Variants in DIAPH2 observed in about 807,000 individuals in gnomAD.
DIAPH2 encodes protein diaphanous homolog 2.
In DIAPH2, 35 loss-of-function variants were observed where a neutral mutation model predicts 92.7. The observed-to-expected ratio is 0.38, with a 90% CI of 0.29 to 0.50. The LOEUF is 0.50. Ranked by LOEUF, DIAPH2 falls within the 20% of genes least tolerant of loss-of-function variation. The pLI, the probability that DIAPH2 is intolerant of heterozygous loss-of-function variation, is 0.94. For missense variants in DIAPH2, 701 were observed against 819.5 expected, an observed-to-expected ratio of 0.86 and a Z score of 1.77; for synonymous variants, 301 against 280.4, an observed-to-expected ratio of 1.07 and a Z score of -0.73.
At chrX:97,591,743 C>CT (rs1314189314) in intron 26 of DIAPH2, among the ~76,000 whole-genome samples, 3 of 111,947 alleles carry the variant, frequency 2.7e-5, no homozygotes, top group Non-Finnish European at 5.6e-5. Context: ...TATTTGTCAC[C>CT]TTTTTCTGTA....
At position 97,601,495 on chromosome X, in the gene DIAPH2, G is replaced by GAGTT. The variant is rs1232749932; in HGVS notation, c.*2180_*2183dup. 3 of 110,563 alleles carry GAGTT rather than the reference G, an allele frequency of 2.7e-5. No individual in the cohort carries two copies. Among genetic ancestry groups the GAGTT allele is most frequent in the Admixed American group, 9.7e-5 (1 of 10,318 alleles). 9.1% of individuals were successfully genotyped at this position (110,563 alleles called of 1,213,427 possible). A position where few individuals can be genotyped will look rare whatever the true frequency, so the allele number is the denominator to read the frequency against. ...TTTCATGAAGTTCCAATAGTTGAGT[G>GAGTT]AGTTAAAAGGTTTGTTTCCCAGATT... On this transcript the variant is annotated 3_prime_UTR_variant, in exon 27 of 27. Transcript: ENST00000324765.
chrX:97,185,286 C>A lies in DIAPH2; in HGVS notation c.2719+43492C>A, dbSNP rs1205393908. ...CTGCACTCTGGGAGACAGAGTGAGA[C>A]CCTGTCTCAAAAAAAAAAAAATATA... On this transcript the variant is annotated intron_variant, in intron 22 of 26. Coordinates refer to ENST00000324765, the MANE Select transcript of DIAPH2 (RefSeq NM_006729.5). 2.1e-4 allele frequency among the ~76,000 whole-genome samples: 11 copies of A among 52,678 alleles called. 1 individual carries two copies. The highest frequency in any genetic ancestry group is 5.5e-4 in the Admixed American group (2 of 3,622). The allele number at this position is 52,678 out of a possible 115,157, so 45.7% of individuals were successfully genotyped here.
chrX:97,592,006 A>T (rs759397899), intron 26 of DIAPH2, among the ~76,000 whole-genome samples: 1 of 112,176 alleles, frequency 8.9e-6, no homozygotes, highest in African/African-American at 3.2e-5. Flanking sequence ...CTTTTCTAAG[A>T]TTTCTTGAAA....
intron 18 of DIAPH2, among the ~76,000 whole-genome samples, chrX:97,074,123 C>T (rs1283118286): frequency 8.0e-5 from 9 of 112,042 alleles, no homozygotes; most frequent in Admixed American, 6.6e-4. Context: ...TCAAGTTCTG[C>T]GTGCCGGGCG....
chrX:96,839,559 A>T (rs1264842244), intron 4 of DIAPH2, among the ~76,000 whole-genome samples: 1 of 111,806 alleles, frequency 8.9e-6, no homozygotes, highest in African/African-American at 3.2e-5. Flanking sequence ...AGTGACTTCT[A>T]AAACAATTAA....
In DIAPH2 at chrX:97,089,996, G is replaced by A. The variant is rs2066811480; in HGVS notation, c.2248-9698G>A. Among the ~76,000 whole-genome samples the A allele has an allele frequency of 2.7e-5, 3 of 112,300 alleles. No individual in the cohort carries two copies. In the South Asian group the frequency reaches 1.1e-3, roughly 41 times the overall value. On this transcript the variant is annotated intron_variant, in intron 19 of 26. Transcript: ENST00000324765. The stretch of plus-strand genomic sequence containing the variant: ...GCCCGCTTCAGCCTCCCAAAGTGCT[G>A]GGATTACAGGCGTGAGCCACCGGGC...
chrX:96,784,081 G>A (rs966121165), intron 4 of DIAPH2, among the ~76,000 whole-genome samples: 1 of 111,875 alleles, frequency 8.9e-6, no homozygotes, highest in Non-Finnish European at 1.9e-5. Flanking sequence ...ATTCTTTTCC[G>A]ATCTTTAGGT....
intron 23 of DIAPH2, among the ~76,000 whole-genome samples, chrX:97,301,444 T>G (rs983657455): frequency 9.0e-6 from 1 of 111,606 alleles, no homozygotes; most frequent in Non-Finnish European, 1.9e-5. Context: ...TCAAAATGGC[T>G]TGTAGCAAGG....
chrX:97,084,616 T>C (rs1162212472), intron 19 of DIAPH2, among the ~76,000 whole-genome samples: 1 of 111,460 alleles, frequency 9.0e-6, no homozygotes, highest in African/African-American at 3.3e-5. Context: ...TTCAGAAACC[T>C]CACTTTAACC....
intron 24 of DIAPH2, among the ~76,000 whole-genome samples, chrX:97,368,941 T>G (rs2147715254): frequency 1.1e-5 from 1 of 88,371 alleles, no homozygotes; most frequent in South Asian, 7.5e-4. Context: ...GTTTCGCTCT[T>G]GTTGCCCAGA....
At position 97,421,620 on chromosome X, in the gene DIAPH2, G is replaced by C. The variant is rs1041865891; in HGVS notation, c.3146-8030G>C. ...CCAATAATGACCAAATTGGCCATCT[G>C]ACTGTACCTAGAGTTCTATGCAGAA... On this transcript the variant is annotated intron_variant, in intron 25 of 26. Coordinates refer to ENST00000324765, the MANE Select transcript of DIAPH2 (RefSeq NM_006729.5). Among the ~76,000 whole-genome samples the C allele has an allele frequency of 2.7e-5, 3 of 111,728 alleles. No individual in the cohort carries two copies. In the Admixed American group the frequency reaches 2.9e-4, roughly 11 times the overall value.
At chrX:96,901,547 T>G (rs1227912412) in intron 5 of DIAPH2, among the ~76,000 whole-genome samples, 1 of 77,422 alleles carries the variant, frequency 1.3e-5, no homozygotes, top group Non-Finnish European at 2.5e-5. Flanking sequence ...TTTTTTTTTT[T>G]TTTTTTTTTT....
chrX:97,208,412 A>G (rs1211875520), intron 22 of DIAPH2, among the ~76,000 whole-genome samples: 1 of 112,177 alleles, frequency 8.9e-6, no homozygotes, highest in African/African-American at 3.2e-5. Flanking sequence ...CAGTTCTGCA[A>G]TTTAGATTGT....
chrX:97,245,110 G>A (rs777690135), intron 22 of DIAPH2, among the ~76,000 whole-genome samples: 34 of 86,631 alleles, frequency 3.9e-4, no homozygotes, highest in African/African-American at 1.2e-3. Context: ...AAAGCCACAT[G>A]AGTTTTTGTT....
chrX:96,714,777 T>C (rs768658034), intron 1 of DIAPH2, among the ~76,000 whole-genome samples: 15 of 112,104 alleles, frequency 1.3e-4, no homozygotes, highest in African/African-American at 4.2e-4. Context: ...TTTTCCATAG[T>C]GATTGATAAC....
At chrX:97,297,865 C>A (rs1007994232) in intron 23 of DIAPH2, among the ~76,000 whole-genome samples, 9 of 110,661 alleles carry the variant, frequency 8.1e-5, no homozygotes, top group Non-Finnish European at 1.7e-4. Flanking sequence ...TTGGGAATAT[C>A]CTTTAGTTTA....
At chrX:97,265,549 G>A (rs1157730926) in intron 23 of DIAPH2, among the ~76,000 whole-genome samples, 1 of 111,929 alleles carries the variant, frequency 8.9e-6, no homozygotes, top group Non-Finnish European at 1.9e-5. Context: ...TCGTGGTGAC[G>A]TTTGAGCTGA....
Position 97,247,709 on chromosome X carries a change from C to G in DIAPH2, c.2720-6C>G, listed in dbSNP as rs1369341861. ...TATTCTAAATCCTTTGCACACTGTT[C>G]TTTAGTTTCAGCTCAAATTCTCAAG... is the stretch of plus-strand genomic sequence containing the variant. On this transcript the variant is annotated splice_region_variant and splice_polypyrimidine_tract_variant and intron_variant, in intron 22 of 26. Transcript: ENST00000324765. 8.3e-7 allele frequency: 1 copy of G among 1,202,139 alleles called. No homozygotes were observed. Among genetic ancestry groups the G allele is most frequent in the South Asian group, 1.8e-5 (1 of 55,178 alleles).
rs190301654 is a variant in DIAPH2 at position 96,773,527 on chromosome X, A to G, written c.447+15269A>G. On this transcript the variant is annotated intron_variant, in intron 4 of 26. Coordinates refer to ENST00000324765, the MANE Select transcript of DIAPH2 (RefSeq NM_006729.5). ...CTCAGAAGAAACCAAACTTACTGAC[A>G]CTTTGGTCTTGGACTTTTAATGTCA... Among the ~76,000 whole-genome samples the G allele has an allele frequency of 9.0e-3, 1,001 of 111,069 alleles. 8 individuals are homozygous for G. The highest frequency in any genetic ancestry group is 0.031 in the African/African-American group (957 of 30,553).
Sources: gnomAD v4.1 joint callset for allele counts (sites outside exome capture counted in the v4.1 genomes callset) on GRCh38, gnomAD v4.1.1 for gene constraint, MANE v1.5 for transcripts, NCBI Gene and HGNC (gene_info 2026-07-23, HGNC 2026-07-21) for gene names.